Variants in N4BP2 observed in about 807,000 individuals in gnomAD.
N4BP2 encodes the protein NEDD4 binding protein 2, also known as NEDD4-binding protein 2.
Under a neutral mutation model 152.8 loss-of-function variants are expected in N4BP2, and 91 were observed. The observed-to-expected ratio is 0.60, with a 90% CI of 0.50 to 0.71. The LOEUF (loss-of-function observed/expected upper bound fraction) is 0.71. Ranked by LOEUF, N4BP2 falls within the 30% of genes least tolerant of loss-of-function variation. The pLI, the probability that N4BP2 is intolerant of heterozygous loss-of-function variation, is 0.00. For synonymous variants in N4BP2, 646 were observed against 705.3 expected (o/e 0.92, Z 1.33); for missense variants, 1,923 against 2,059.1 (o/e 0.93, Z 1.28).
At position 40,136,957 on chromosome 4, in the gene N4BP2, C is replaced by A; in HGVS notation, c.4660C>A (p.His1554Asn). Residue 1554 changes from histidine to asparagine, a missense_variant, in exon 14 of 18, where the codon CAC (histidine) becomes AAC (asparagine). By Grantham distance (68) the His-to-Asn change is moderately conservative (BLOSUM62 1). Transcript: ENST00000261435. The part of the protein sequence containing the change: ...IFKDHNYSLE[H>N]TVQFLNCVLE... The stretch of plus-strand genomic sequence containing the variant: ...AATTTTCTACAGCTATTCATTAGAA[C>A]ACACAGTGCAATTTCTTAACTGTGT... The A allele has an allele frequency of 1.2e-6, 2 of 1,610,228 alleles. No homozygotes were observed. Among genetic ancestry groups the A allele is most frequent in the South Asian group, 1.1e-5 (1 of 90,224 alleles).
intron 16 of N4BP2, 66 bp from the exon 17 acceptor site, chr4:40,152,714 G>T: frequency 6.3e-7 from 1 of 1,576,666 alleles, no homozygotes; most frequent in Admixed American, 1.7e-5. Flanking sequence ...AGTAGCTAAG[G>T]TTTACGTTTT....
In N4BP2 at chr4:40,128,836, A is replaced by T. The variant is rs1050497211; in HGVS notation, c.4527+2506A>T. Among the ~76,000 whole-genome samples, 101 of 140,954 alleles carry T rather than the reference A, an allele frequency of 7.2e-4. 1 individual carries two copies. Among genetic ancestry groups the T allele is most frequent in the Admixed American group, 7.1e-3 (93 of 13,052 alleles). 92.5% of individuals were successfully genotyped at this position (140,954 alleles called of 152,430 possible). ...ACCCAGCCAGCAATGGATTTTCTTT[A>T]AAAAAAAAATAAATAAATAAAATAA... is the stretch of plus-strand genomic sequence containing the variant. On this transcript the variant is annotated intron_variant, in intron 12 of 17. Transcript: ENST00000261435.
intron 14 of N4BP2, 85 bp downstream of exon 14, chr4:40,137,167 G>A: frequency 9.3e-7 from 1 of 1,080,326 alleles, no homozygotes; most frequent in Non-Finnish European, 1.3e-6. Flanking sequence ...ATAATTTAAT[G>A]ATTATTTCTC....
chr4:40,175,349 A>G, the N4BP2 span, among the ~76,000 whole-genome samples: 2 of 151,900 alleles, frequency 1.3e-5, no homozygotes, highest in South Asian at 4.1e-4. Context: ...AAAAAAAAAA[A>G]AAAAAGCCAA....
At chr4:40,057,529 C>CCACT (rs1733300331) in intron 1 of N4BP2, among the ~76,000 whole-genome samples, 1 of 152,204 alleles carries the variant, frequency 6.6e-6, no homozygotes, top group African/African-American at 2.4e-5. Context: ...AGACACACAG[C>CCACT]CACTCACACG....
chr4:40,089,902 C>T (rs1269202361), intron 2 of N4BP2, among the ~76,000 whole-genome samples: 7 of 151,988 alleles, frequency 4.6e-5, no homozygotes, highest in African/African-American at 7.3e-5. Flanking sequence ...TGGTCCATTG[C>T]GAGTTAATAT....
At chr4:40,058,422 G>T (rs1425829826) in intron 1 of N4BP2, among the ~76,000 whole-genome samples, 1 of 152,208 alleles carries the variant, frequency 6.6e-6, no homozygotes, top group African/African-American at 2.4e-5. Flanking sequence ...GCCGTGCTAG[G>T]ATGGGGGGTA....
Position 40,141,629 on chromosome 4 carries a change from C to T in N4BP2, c.4786-1044C>T, listed in dbSNP as rs549898509. On this transcript the variant is annotated intron_variant, in intron 14 of 17. Transcript: ENST00000261435. ...TGGGCAGCCAGGCAGAGGGGCTCCT[C>T]ACGTCCCAGATGATGGGCGGCCAGG... 8.5e-4 allele frequency among the ~76,000 whole-genome samples: 129 copies of T among 151,908 alleles called. No individual in the cohort carries two copies. In the South Asian group the frequency reaches 0.026, roughly 30 times the overall value.
chr4:40,132,238 G>GTC (rs1010191977), intron 13 of N4BP2, among the ~76,000 whole-genome samples: 10 of 151,876 alleles, frequency 6.6e-5, no homozygotes, highest in African/African-American at 1.7e-4. Context: ...TGTAAACATG[G>GTC]TCTCTCTCTC....
the N4BP2 span, among the ~76,000 whole-genome samples, chr4:40,179,322 A>G: frequency 6.6e-6 from 1 of 152,290 alleles, no homozygotes; most frequent in East Asian, 1.9e-4. Context: ...GTGAGCCAAG[A>G]TCGAGCCACT....
rs976158812 is a variant in N4BP2, at chr4:40,056,898, C to G, written c.-344C>G. The G allele has an allele frequency of 1.3e-5, 2 of 152,070 alleles. No homozygotes were observed. Among genetic ancestry groups the G allele is most frequent in the Non-Finnish European group, 2.9e-5 (2 of 67,970 alleles). 9.4% of individuals were successfully genotyped at this position (152,070 alleles called of 1,614,324 possible). A position where few individuals can be genotyped will look rare whatever the true frequency, so the allele number is the denominator to read the frequency against. On this transcript the variant is annotated 5_prime_UTR_variant, in exon 1 of 18. Transcript: ENST00000261435. The stretch of plus-strand genomic sequence containing the variant: ...CGCCGTGTCTCCCCCGCGGCCGCAG[C>G]TGCTTGCTAGCCTTGCGCGGCGCGG...
At chr4:40,160,440 T>A (rs1721827896), downstream of N4BP2, among the ~76,000 whole-genome samples, 1 of 152,198 alleles carries the variant, frequency 6.6e-6, no homozygotes, top group South Asian at 2.1e-4. Context: ...TGTGGTGCAA[T>A]ACTCGCCTGT....
At position 40,121,047 on chromosome 4, in the gene N4BP2, T is replaced by C; in HGVS notation, c.2936T>C (p.Phe979Ser). 1 of 1,614,044 alleles carries C rather than the reference T, an allele frequency of 6.2e-7. No homozygotes were observed. Among genetic ancestry groups the C allele is most frequent in the Non-Finnish European group, 8.5e-7 (1 of 1,179,990 alleles). ...HGQHTSLPLT[F>S]TNSAPTVSGV... ...CAACACACATCGTTGCCTCTTACTT[T>C]TACCAATAGTGCACCAACTGTTTCT... The change falls in exon 9 of 18, where the codon TTT (phenylalanine) becomes TCT (serine). Residue 979 changes from phenylalanine to serine, a missense_variant. By Grantham distance (155) the Phe-to-Ser change is radical. Transcript: ENST00000261435.
chr4:40,121,214 A>G lies in N4BP2; in HGVS notation c.3103A>G (p.Ile1035Val), dbSNP rs370593222. 3.7e-6 allele frequency: 6 copies of G among 1,613,932 alleles called. No homozygotes were observed. The highest frequency in any genetic ancestry group is 5.1e-6 in the Non-Finnish European group (6 of 1,179,962). The change falls in exon 9 of 18, where the codon ATT becomes GTT. Residue 1035 changes from isoleucine (I) to valine (V), a missense_variant. Transcript: ENST00000261435. ...LWKIEKNKIS[I>V]SDSIKVLTGR... is the part of the protein sequence containing the mutation. ...GAAAATAGAAAAGAATAAAATTAGC[A>G]TTTCAGATTCTATCAAAGTATTAAC...
At chr4:40,104,940 A>C (rs1391359748) in intron 4 of N4BP2, among the ~76,000 whole-genome samples, 1 of 151,426 alleles carries the variant, frequency 6.6e-6, no homozygotes, top group Non-Finnish European at 1.5e-5. Flanking sequence ...GAGTAGCGGG[A>C]CTACAGCCAC....
chr4:40,147,883 C>A (rs1205128315), intron 16 of N4BP2, among the ~76,000 whole-genome samples: 8 of 150,968 alleles, frequency 5.3e-5, no homozygotes, highest in Non-Finnish European at 1.0e-4. Flanking sequence ...CTCCTCACAT[C>A]CCAGACGGGG....
intron 11 of N4BP2, among the ~76,000 whole-genome samples, chr4:40,124,641 C>T (rs527725604): frequency 7.2e-5 from 11 of 152,046 alleles, no homozygotes; most frequent in Non-Finnish European, 1.6e-4. Context: ...GCCACTGCGC[C>T]CAGCCAGTTC....
At chr4:40,182,961 G>A in the N4BP2 span, among the ~76,000 whole-genome samples, 28 of 152,130 alleles carry the variant, frequency 1.8e-4, no homozygotes, top group Non-Finnish European at 3.7e-4. Flanking sequence ...ACAGACATGA[G>A]CCACCATGCG....
intron 1 of N4BP2, among the ~76,000 whole-genome samples, chr4:40,071,316 G>A (rs1031566022): frequency 6.6e-6 from 1 of 152,138 alleles, no homozygotes; most frequent in Non-Finnish European, 1.5e-5. Flanking sequence ...TAAACTGGGA[G>A]TTAGATCTAA....
Sources: allele counts gnomAD v4.1 joint callset (sites outside exome capture counted in the v4.1 genomes callset), GRCh38; gene constraint gnomAD v4.1.1; transcripts MANE v1.5; gene names NCBI Gene and HGNC (gene_info 2026-07-23, HGNC 2026-07-21).